Variants in KLHL2 observed in about 807,000 individuals in gnomAD.
The protein encoded by KLHL2 is kelch-like protein 2.
KLHL2 carries 15 observed loss-of-function variants against 75.8 expected under a neutral mutation model. That is an observed-to-expected ratio of 0.20 (90% CI 0.13 to 0.30). The LOEUF is 0.30. Among genes scored for constraint, KLHL2 ranks in the 10% least tolerant of loss-of-function variants. The pLI is 1.00. For missense variants in KLHL2, 381 were observed against 741.0 expected, an observed-to-expected ratio of 0.51 and a Z score of 5.64; for synonymous variants, 214 against 251.9, an observed-to-expected ratio of 0.85 and a Z score of 1.42.
intron 5 of KLHL2, among the ~76,000 whole-genome samples, chr4:165,286,823 G>C (rs1410695515): frequency 6.6e-6 from 1 of 152,142 alleles, no homozygotes; most frequent in Admixed American, 6.6e-5. Flanking sequence ...AGCAGAGCAG[G>C]TATTTGTCCA....
Position 165,317,859 on chromosome 4 carries a change from T to C in KLHL2, c.1643T>C (p.Val548Ala), listed in dbSNP as rs1348710494. 1 of 1,613,798 alleles carries C rather than the reference T, an allele frequency of 6.2e-7. No homozygotes were observed. Among genetic ancestry groups the C allele is most frequent in the Admixed American group, 1.7e-5 (1 of 59,984 alleles). Residue 548 changes from valine (V) to alanine (A), a missense_variant, in exon 14 of 15, where the codon GTT becomes GCT. By Grantham distance (64) the Val-to-Ala change is moderately conservative. This residue lies in a region of KLHL2 where 168 missense variants were observed against 370.4 expected (regional missense o/e 0.45). Transcript: ENST00000226725. Reference sequence around the variant, plus strand: ...GCAGTTAATGGTCTGTTATATGTTGTTGGAGGGGATGATGGTTCCTGTAAC... The same window carrying C: ...GCAGTTAATGGTCTGTTATATGTTGCTGGAGGGGATGATGGTTCCTGTAAC... ...VCAVNGLLYV[V>A]GGDDGSCNLA... is the part of the protein sequence containing the mutation.
At chr4:165,308,504 T>A (rs891045512) in intron 9 of KLHL2, among the ~76,000 whole-genome samples, 1 of 152,180 alleles carries the variant, frequency 6.6e-6, no homozygotes, top group African/African-American at 2.4e-5. Context: ...GGCACTTCAG[T>A]TTCCTGATAA....
At chr4:165,229,803 G>T (rs1738738526) in intron 3 of KLHL2, among the ~76,000 whole-genome samples, 1 of 152,226 alleles carries the variant, frequency 6.6e-6, no homozygotes, top group African/African-American at 2.4e-5. Context: ...CTGAGAGAAG[G>T]ATTTCCCCAG....
intron 2 of KLHL2, among the ~76,000 whole-genome samples, chr4:165,226,606 A>G (rs1738457529): frequency 6.6e-6 from 1 of 152,178 alleles, no homozygotes; most frequent in Non-Finnish European, 1.5e-5. Context: ...TGTTGAATGA[A>G]TGAACAAACT....
chr4:165,260,006 A>G (rs1452631813), intron 4 of KLHL2, among the ~76,000 whole-genome samples: 2 of 152,058 alleles, frequency 1.3e-5, no homozygotes, highest in Non-Finnish European at 2.9e-5. Context: ...AAGTCAGAGC[A>G]TTTTAAATTT....
chr4:165,209,410 C>T (rs929868508), intron 1 of KLHL2: 1 of 152,050 alleles, frequency 6.6e-6, no homozygotes, highest in Non-Finnish European at 1.5e-5. Flanking sequence ...TTCGTTTTTA[C>T]TTTTGGAACA....
At chr4:165,276,354 G>A (rs1743098404) in intron 5 of KLHL2, among the ~76,000 whole-genome samples, 1 of 152,022 alleles carries the variant, frequency 6.6e-6, no homozygotes, top group Admixed American at 6.6e-5. Context: ...TTTCATGTGT[G>A]TCCCCTCTGT....
chr4:165,250,923 G>GATT (rs1740651829), intron 4 of KLHL2, among the ~76,000 whole-genome samples: 2 of 152,158 alleles, frequency 1.3e-5, no homozygotes, highest in African/African-American at 4.8e-5. Flanking sequence ...GGTGATTGTA[G>GATT]TACCATGCTA....
rs2110952064 is a variant in KLHL2 at position 165,214,270 on chromosome 4, A to G, written c.27-5664A>G. ...GTCAGAAATATAAGTGATAAAATAA[A>G]TGGAAATGTTTGAAATGGATCATCA... is the stretch of plus-strand genomic sequence containing the variant. On this transcript the variant is annotated intron_variant, in intron 1 of 14. Coordinates refer to ENST00000226725, the MANE Select transcript of KLHL2 (RefSeq NM_007246.4). Among the ~76,000 whole-genome samples the G allele has an allele frequency of 1.3e-5, 2 of 152,340 alleles. 1 individual carries two copies. The highest frequency in any genetic ancestry group is 4.1e-4 in the South Asian group (2 of 4,826).
chr4:165,245,564 T>C (rs1740195373), intron 4 of KLHL2, among the ~76,000 whole-genome samples: 1 of 152,154 alleles, frequency 6.6e-6, no homozygotes, highest in Admixed American at 6.5e-5. Flanking sequence ...GGGCTTGTTA[T>C]GTGGGGCATT....
In KLHL2 at chr4:165,291,102, GT is replaced by G. The variant is rs1459216991; in HGVS notation, c.545-3256del. On this transcript the variant is annotated intron_variant, in intron 5 of 14. Coordinates refer to ENST00000226725, the MANE Select transcript of KLHL2 (RefSeq NM_007246.4). ...CATGTAATATTGAGCATCTTTCCAT[GT>G]GCTTATTTGCCATTTGTATATGTCT... is the stretch of plus-strand genomic sequence containing the variant. Among the ~76,000 whole-genome samples the G allele has an allele frequency of 3.9e-5, 6 of 152,306 alleles. No homozygotes were observed. The East Asian group carries it at 1.2e-3, about 29-fold the overall frequency.
chr4:165,223,344 G>A (rs1474090881), intron 2 of KLHL2, among the ~76,000 whole-genome samples: 2 of 152,198 alleles, frequency 1.3e-5, no homozygotes, highest in Non-Finnish European at 2.9e-5. Flanking sequence ...GAAAAAGTGT[G>A]CAAATCGTGG....
At chr4:165,279,576 G>T in intron 5 of KLHL2, 2 of 1,598,426 alleles carry the variant, frequency 1.3e-6, no homozygotes, top group Non-Finnish European at 1.7e-6. Context: ...ACCAAAAAGC[G>T]CGTGGAACTG....
At position 165,311,807 on chromosome 4, in the gene KLHL2, C is replaced by CTG. The variant is rs753272810; in HGVS notation, c.1339+243_1339+244insGT. 7.1e-3 allele frequency among the ~76,000 whole-genome samples: 789 copies of CTG among 111,718 alleles called. 2 individuals are homozygous for CTG. Among genetic ancestry groups the CTG allele is most frequent in the Middle Eastern group, 0.024 (5 of 208 alleles). 73.3% of individuals were successfully genotyped at this position (111,718 alleles called of 152,430 possible). A position where few individuals can be genotyped will look rare whatever the true frequency, so the allele number is the denominator to read the frequency against. On this transcript the variant is annotated intron_variant, in intron 11 of 14. Transcript: ENST00000226725. ...CCTCCCTTTATCCCTCCTCCTTTCT[C>CTG]TCTGTGTGTGTGTGTGTGTGTGTGT...
rs193062509 is a variant in KLHL2, at chr4:165,224,145, T to C, written c.152+4086T>C. ...TGGCTAGGCTGGCCCAAATAAGTTT[T>C]ATTGACAAAATTAGATTGCTAGCTT... On this transcript the variant is annotated intron_variant, in intron 2 of 14. Transcript: ENST00000226725. 67 of 186,208 alleles carry C rather than the reference T, an allele frequency of 3.6e-4. 1 individual carries two copies. In the East Asian group the frequency reaches 0.01, roughly 29 times the overall value. The allele number at this position is 186,208 out of a possible 1,614,324, so 11.5% of individuals were successfully genotyped here.
intron 1 of KLHL2, chr4:165,209,268 G>C (rs183982168): frequency 6.6e-6 from 1 of 152,346 alleles, no homozygotes; most frequent in East Asian, 1.9e-4. Context: ...ATGAGCACAC[G>C]GGGGTCTGCC....
chr4:165,223,545 TG>T (rs776783784), intron 2 of KLHL2, among the ~76,000 whole-genome samples: 16 of 152,196 alleles, frequency 1.1e-4, no homozygotes, highest in Non-Finnish European at 1.9e-4. Context: ...GGGTTCATCC[TG>T]GGGAGTCTGT....
chr4:165,227,136 G>A (rs1452530089), intron 2 of KLHL2, among the ~76,000 whole-genome samples: 4 of 152,094 alleles, frequency 2.6e-5, no homozygotes, highest in African/African-American at 9.7e-5. Context: ...TGATCTGGAG[G>A]AATTATAAAT....
intron 1 of KLHL2, among the ~76,000 whole-genome samples, chr4:165,212,352 A>G (rs1737247117): frequency 6.6e-6 from 1 of 152,166 alleles, no homozygotes; most frequent in Non-Finnish European, 1.5e-5. Flanking sequence ...CACAATCCAG[A>G]GGGGGAATAG....
Sources: gnomAD v4.1 joint callset for allele counts (sites outside exome capture counted in the v4.1 genomes callset) on GRCh38, gnomAD v4.1.1 for gene constraint, gnomAD v4.1.1 regional missense constraint, MANE v1.5 for transcripts, NCBI Gene and HGNC (gene_info 2026-07-23, HGNC 2026-07-21) for gene names.